The following PPP1R9A variants were observed in gnomAD, a reference collection of about 807,000 sequenced individuals.
PPP1R9A encodes the protein neurabin-1.
A neutral mutation model predicts 141.9 loss-of-function variants in PPP1R9A; 59 were observed. The ratio of observed to expected loss-of-function variants is 0.42; its 90% CI spans 0.34 to 0.52. The LOEUF (loss-of-function observed/expected upper bound fraction) is 0.52. PPP1R9A is among the 20% of genes least tolerant of loss of function. PPP1R9A has a pLI of 0.10. For synonymous variants in PPP1R9A, 500 were observed against 569.7 expected (o/e 0.88, Z 1.74); for missense variants, 1,444 against 1,611.9 (o/e 0.90, Z 1.78).
intron 4 of PPP1R9A, among the ~76,000 whole-genome samples, chr7:95,136,820 TAAGACCC>T (rs1450116698): frequency 6.6e-6 from 1 of 152,216 alleles, no homozygotes; most frequent in Non-Finnish European, 1.5e-5. Flanking sequence ...GGTTTAGCTA[TAAGACCC>T]AAGAAGTTTG....
At chr7:95,224,734 T>A (rs1249972201) in intron 7 of PPP1R9A, among the ~76,000 whole-genome samples, 3 of 151,902 alleles carry the variant, frequency 2.0e-5, no homozygotes, top group African/African-American at 7.3e-5. Flanking sequence ...AGTGAGGGGC[T>A]CCTGCTTTGG....
At position 95,007,960 on chromosome 7, in the gene PPP1R9A, T is replaced by A. The variant is rs187645581; in HGVS notation, c.1395+96452T>A. Among the ~76,000 whole-genome samples, 259 of 152,230 alleles carry A rather than the reference T, an allele frequency of 1.7e-3. 8 individuals are homozygous for A. Among genetic ancestry groups the A allele is most frequent in the Admixed American group, 0.016 (239 of 15,292 alleles). On this transcript the variant is annotated intron_variant, in intron 2 of 19. Coordinates refer to ENST00000433360, the MANE Select transcript of PPP1R9A (RefSeq NM_001166160.2). ...GGTGGTGCATGCCTGTAATCCCAGCTACTCAGAAGGCTGAGGCATGAGAAT... is the reference window on the plus strand; with the variant it reads ...GGTGGTGCATGCCTGTAATCCCAGCAACTCAGAAGGCTGAGGCATGAGAAT...
chr7:95,190,875 C>T (rs1341607196), intron 5 of PPP1R9A, among the ~76,000 whole-genome samples: 1 of 152,168 alleles, frequency 6.6e-6, no homozygotes, highest in Non-Finnish European at 1.5e-5. Flanking sequence ...TCCTGTCTGC[C>T]ATCTTGACTC....
chr7:95,290,136 A>C lies in PPP1R9A; in HGVS notation c.3958A>C (p.Lys1320Gln), dbSNP rs1411246037. Residue 1320 changes from lysine (K) to glutamine (Q), a missense_variant, in exon 20 of 20, where the codon AAA becomes CAA. By Grantham distance (53) the Lys-to-Gln change is moderately conservative (BLOSUM62 1). Coordinates refer to ENST00000433360, the MANE Select transcript of PPP1R9A (RefSeq NM_001166160.2). ...ASQDRAVVKKKLKEMKMSLEK... is the reference protein window; with the variant it reads ...ASQDRAVVKKQLKEMKMSLEK... ...CCAGGACCGAGCAGTGGTCAAAAAGAAACTCAAGGAAATGAAGATGTCTCT... is the reference window on the plus strand; with the variant it reads ...CCAGGACCGAGCAGTGGTCAAAAAGCAACTCAAGGAAATGAAGATGTCTCT... 113 of 1,613,996 alleles carry C rather than the reference A, an allele frequency of 7.0e-5. No homozygotes were observed. Among genetic ancestry groups the C allele is most frequent in the Non-Finnish European group, 9.6e-5 (113 of 1,180,008 alleles).
At chr7:94,944,412 G>A (rs998173558) in intron 2 of PPP1R9A, among the ~76,000 whole-genome samples, 63 of 151,934 alleles carry the variant, frequency 4.1e-4, no homozygotes, top group African/African-American at 1.4e-3. Context: ...TAAACATTTA[G>A]CGAAGTAGTT....
chr7:95,109,848 A>G (rs996596784), intron 2 of PPP1R9A, among the ~76,000 whole-genome samples: 10 of 151,932 alleles, frequency 6.6e-5, no homozygotes, highest in African/African-American at 1.2e-4. Context: ...ATGAAAAAAA[A>G]AAGAAGAAGA....
At chr7:95,059,542 G>A (rs1811943744) in intron 2 of PPP1R9A, among the ~76,000 whole-genome samples, 1 of 152,154 alleles carries the variant, frequency 6.6e-6, no homozygotes, top group Non-Finnish European at 1.5e-5. Context: ...TCAGTTTAAT[G>A]TTAAACATAT....
At chr7:94,923,225 G>A (rs897852820) in intron 2 of PPP1R9A, among the ~76,000 whole-genome samples, 5 of 152,112 alleles carry the variant, frequency 3.3e-5, no homozygotes, top group African/African-American at 4.8e-5. Flanking sequence ...CCTTAAGTTC[G>A]ACTATTGTGT....
At chr7:95,097,660 G>A (rs1230753749) in intron 2 of PPP1R9A, among the ~76,000 whole-genome samples, 1 of 152,176 alleles carries the variant, frequency 6.6e-6, no homozygotes, top group African/African-American at 2.4e-5. Context: ...AATGAATGCT[G>A]ATGTTTTTCT....
At chr7:95,286,062 G>T in intron 17 of PPP1R9A, 144 bp from the exon 18 acceptor site, 2 of 1,327,990 alleles carry the variant, frequency 1.5e-6, no homozygotes, top group Non-Finnish European at 2.0e-6. Flanking sequence ...ATTCTCAACC[G>T]CTGCCCCATT....
intron 16 of PPP1R9A, 38 bp downstream of exon 16, chr7:95,274,206 CCTAAACTTT>C: frequency 6.8e-7 from 1 of 1,462,732 alleles, no homozygotes; most frequent in Non-Finnish European, 9.2e-7. Context: ...TATTTCTATA[CCTAAACTTT>C]CTGGCCCCCT....
chr7:94,996,896 A>G lies in PPP1R9A; in HGVS notation c.1395+85388A>G, dbSNP rs546226427. Among the ~76,000 whole-genome samples, 627 of 144,446 alleles carry G rather than the reference A, an allele frequency of 4.3e-3. 4 individuals carry two copies. Among genetic ancestry groups the G allele is most frequent in the African/African-American group, 0.016 (612 of 38,314 alleles). The allele number at this position is 144,446 out of a possible 152,430, so 94.8% of individuals were successfully genotyped here. A position where few individuals can be genotyped will look rare whatever the true frequency, so the allele number is the denominator to read the frequency against. On this transcript the variant is annotated intron_variant, in intron 2 of 19. Coordinates refer to ENST00000433360, the MANE Select transcript of PPP1R9A (RefSeq NM_001166160.2). ...CAGCTCACTGCAACCTCCACCTCCCAGGTTCAAGCAATTCCCCTGCCCCAG... is the reference window on the plus strand; with the variant it reads ...CAGCTCACTGCAACCTCCACCTCCCGGGTTCAAGCAATTCCCCTGCCCCAG...
chr7:95,078,116 G>A (rs1815155535), intron 2 of PPP1R9A, among the ~76,000 whole-genome samples: 1 of 144,182 alleles, frequency 6.9e-6, no homozygotes, highest in Non-Finnish European at 1.5e-5. Context: ...ATCTCCTAAA[G>A]CTATCCCTCC....
chr7:95,085,532 A>G (rs1816502252), intron 2 of PPP1R9A, among the ~76,000 whole-genome samples: 1 of 148,856 alleles, frequency 6.7e-6, no homozygotes. Flanking sequence ...CTCCTGCCTC[A>G]GCTTCCTGAG....
At chr7:95,052,938 A>C (rs1030759156) in intron 2 of PPP1R9A, among the ~76,000 whole-genome samples, 1 of 152,038 alleles carries the variant, frequency 6.6e-6, no homozygotes, top group African/African-American at 2.4e-5. Context: ...TCATGCTCTC[A>C]TCATTTCTAC....
upstream of PPP1R9A, chr7:94,907,544 G>A (rs1031633932): frequency 5.9e-5 from 9 of 152,202 alleles, no homozygotes; most frequent in African/African-American, 2.2e-4. Context: ...AGGCCGGAGA[G>A]GCCCCTCGCC....
At chr7:95,011,621 A>T (rs185211948) in intron 2 of PPP1R9A, among the ~76,000 whole-genome samples, 195 of 152,336 alleles carry the variant, frequency 1.3e-3, no homozygotes, top group Non-Finnish European at 1.3e-3. Flanking sequence ...CTGGAATTTA[A>T]AAACTACTCT....
At chr7:95,044,836 G>A (rs911593668) in intron 2 of PPP1R9A, among the ~76,000 whole-genome samples, 5 of 151,640 alleles carry the variant, frequency 3.3e-5, no homozygotes, top group African/African-American at 9.7e-5. Flanking sequence ...GCCTCTCAAA[G>A]TGCTGGGATT....
At chr7:95,011,654 T>C (rs1340238732) in intron 2 of PPP1R9A, among the ~76,000 whole-genome samples, 1 of 152,200 alleles carries the variant, frequency 6.6e-6, no homozygotes, top group Non-Finnish European at 1.5e-5. Context: ...AACTTTCAGT[T>C]GAAATTCTTC....
Sources: allele counts gnomAD v4.1 joint callset (sites outside exome capture counted in the v4.1 genomes callset), GRCh38; gene constraint gnomAD v4.1.1; transcripts MANE v1.5; gene names NCBI Gene and HGNC (gene_info 2026-07-23, HGNC 2026-07-21).